The following FUCA1 variants were observed in gnomAD, a reference collection of about 807,000 sequenced individuals.
FUCA1 encodes the protein alpha-L-fucosidase 1, also known as tissue alpha-L-fucosidase.
Under a neutral mutation model 56.8 loss-of-function variants are expected in FUCA1, and 52 were observed. The ratio of observed to expected loss-of-function variants is 0.92; its 90% CI spans 0.73 to 1.15. FUCA1 has a LOEUF of 1.15. FUCA1 is among the 50% of genes most tolerant of loss of function. The pLI is 0.00. For synonymous variants in FUCA1, 230 were observed against 226.6 expected (o/e 1.02, Z -0.14); for missense variants, 568 against 592.6 (o/e 0.96, Z 0.43).
chr1:23,863,177 C>A lies in FUCA1; in HGVS notation c.619G>T (p.Val207Phe), dbSNP rs1166240948. Residue 207 changes from valine to phenylalanine, a missense_variant, in exon 3 of 8, where the codon GTC becomes TTC. Val to Phe is a conservative substitution (Grantham distance 50). Coordinates refer to ENST00000374479, the MANE Select transcript of FUCA1 (RefSeq NM_000147.5). ...AGCTCTGGCATTGTTTTTGCACTGA[C>A]AAAATGCTGTGTTTTGAAGCCATTT... The part of the protein sequence containing the change: ...KKNGFKTQHF[V>F]SAKTMPELYD... 1.2e-6 allele frequency: 2 copies of A among 1,613,946 alleles called. No homozygotes were observed. The highest frequency in any genetic ancestry group is 1.1e-5 in the South Asian group (1 of 91,074).
At chr1:23,849,388 G>C (rs1639210702) in intron 5 of FUCA1, among the ~76,000 whole-genome samples, 1 of 151,996 alleles carries the variant, frequency 6.6e-6, no homozygotes, top group Non-Finnish European at 1.5e-5. Flanking sequence ...TGAATTTCAG[G>C]GAGTGGCCAT....
chr1:23,864,087 C>CTTTTT (rs765991884), intron 2 of FUCA1, among the ~76,000 whole-genome samples: 9 of 131,046 alleles, frequency 6.9e-5, no homozygotes, highest in African/African-American at 1.4e-4. Context: ...TCTTTTTTTC[C>CTTTTT]TTTTTTTTTT....
At chr1:23,846,843 A>G (rs1456385885) in intron 6 of FUCA1, among the ~76,000 whole-genome samples, 1 of 152,038 alleles carries the variant, frequency 6.6e-6, no homozygotes, top group Non-Finnish European at 1.5e-5. Flanking sequence ...CGGCCTCCCA[A>G]AGTGTTCGGA....
At chr1:23,858,910 G>A (rs1437493166) in intron 4 of FUCA1, among the ~76,000 whole-genome samples, 4 of 151,998 alleles carry the variant, frequency 2.6e-5, no homozygotes, top group Admixed American at 1.3e-4. Flanking sequence ...ACTACCTCCC[G>A]AGTAGCTGGG....
chr1:23,853,102 G>A (rs1373802307), intron 5 of FUCA1, among the ~76,000 whole-genome samples: 4 of 147,112 alleles, frequency 2.7e-5, no homozygotes, highest in South Asian at 2.2e-4. Context: ...CATCGTCTGA[G>A]ATGTGGGGAG....
chr1:23,847,511 T>C (rs1639167648), intron 6 of FUCA1, among the ~76,000 whole-genome samples: 1 of 152,146 alleles, frequency 6.6e-6, no homozygotes, highest in Non-Finnish European at 1.5e-5. Context: ...GTGAGGCCTT[T>C]GGGAAGTAAT....
intron 5 of FUCA1, among the ~76,000 whole-genome samples, chr1:23,853,376 G>A (rs1180818852): frequency 1.3e-4 from 19 of 147,052 alleles, no homozygotes; most frequent in East Asian, 3.9e-4. Flanking sequence ...CAGCCGCCCC[G>A]TCCGGGAGGG....
intron 7 of FUCA1, 98 bp downstream of exon 7, chr1:23,845,976 T>A (rs1178056231): frequency 2.7e-5 from 40 of 1,505,320 alleles, no homozygotes; most frequent in Non-Finnish European, 9.2e-7. Flanking sequence ...CTAAAAGAGG[T>A]GTGAATATGG....
rs146340024 is a variant in FUCA1, at chr1:23,847,897, C to G, written c.1160+752G>C. ...ATTAGCTGGGCGTGGTGGCGGGTGCCTATAATCCCAGCTGCTTGGGAGGCT... is the reference window on the plus strand; with the variant it reads ...ATTAGCTGGGCGTGGTGGCGGGTGCGTATAATCCCAGCTGCTTGGGAGGCT... On this transcript the variant is annotated intron_variant, in intron 6 of 7. Coordinates refer to ENST00000374479, the MANE Select transcript of FUCA1 (RefSeq NM_000147.5). 6.4e-3 allele frequency among the ~76,000 whole-genome samples: 979 copies of G among 152,254 alleles called. 10 individuals carry two copies. Among genetic ancestry groups the G allele is most frequent in the African/African-American group, 0.023 (935 of 41,532 alleles).
At chr1:23,851,462 T>C (rs1203439639) in intron 5 of FUCA1, among the ~76,000 whole-genome samples, 6 of 152,186 alleles carry the variant, frequency 3.9e-5, no homozygotes, top group Non-Finnish European at 7.3e-5. Flanking sequence ...TGCACAACTT[T>C]CTTGTGTAAC....
intron 1 of FUCA1, among the ~76,000 whole-genome samples, chr1:23,866,549 T>G (rs1344310222): frequency 6.6e-6 from 1 of 152,244 alleles, no homozygotes; most frequent in Non-Finnish European, 1.5e-5. Flanking sequence ...CTCCAGGATT[T>G]GAAGGGCCAG....
chr1:23,858,994 C>A (rs1639452216), intron 4 of FUCA1, among the ~76,000 whole-genome samples: 1 of 151,964 alleles, frequency 6.6e-6, no homozygotes, highest in African/African-American at 2.4e-5. Flanking sequence ...GTTGCCCAGG[C>A]TGGTCTTGAA....
Position 23,854,862 on chromosome 1 carries a change from G to A in FUCA1, c.769-302C>T, listed in dbSNP as rs772653553. Among the ~76,000 whole-genome samples, 20 of 152,318 alleles carry A rather than the reference G, an allele frequency of 1.3e-4. 2 individuals carry two copies. The highest frequency in any genetic ancestry group is 4.8e-4 in the African/African-American group (20 of 41,572). ...AGCCCTAAATGTCAACAGTACTGAG[G>A]TAGAGAAACCCTGCTGCAGAGATAC... On this transcript the variant is annotated intron_variant, in intron 4 of 7. Coordinates refer to ENST00000374479, the MANE Select transcript of FUCA1 (RefSeq NM_000147.5).
intron 4 of FUCA1, among the ~76,000 whole-genome samples, chr1:23,859,425 G>A (rs1472078821): frequency 6.6e-6 from 1 of 152,062 alleles, no homozygotes; most frequent in African/African-American, 2.4e-5. Context: ...AAATCAGCCG[G>A]CCAGGTGGCG....
At chr1:23,847,383 A>G (rs1557505421) in intron 6 of FUCA1, among the ~76,000 whole-genome samples, 1 of 151,936 alleles carries the variant, frequency 6.6e-6, no homozygotes, top group Non-Finnish European at 1.5e-5. Flanking sequence ...CTGTTCTGAA[A>G]TTTCACTATG....
chr1:23,859,689 T>G lies in FUCA1; in HGVS notation c.768+109A>C, dbSNP rs1027599333. ...GTCCCAGTCCCTACTGCCCCCATGT[T>G]GATATTCCTGTTTATTATTGCTGCT... On this transcript the variant is annotated intron_variant, in intron 4 of 7. Coordinates refer to ENST00000374479, the MANE Select transcript of FUCA1 (RefSeq NM_000147.5). The G allele has an allele frequency of 6.9e-6, 5 of 723,894 alleles. No individual in the cohort carries two copies. The East Asian group carries it at 1.1e-4, about 16-fold the overall frequency. The allele number at this position is 723,894 out of a possible 1,614,324, so 44.8% of individuals were successfully genotyped here. A position where few individuals can be genotyped will look rare whatever the true frequency, so the allele number is the denominator to read the frequency against.
intron 5 of FUCA1, among the ~76,000 whole-genome samples, chr1:23,851,986 T>A (rs1639268827): frequency 6.6e-6 from 1 of 151,308 alleles, no homozygotes; most frequent in Admixed American, 6.6e-5. Context: ...GAAACAAACC[T>A]GCACACTCTG....
chr1:23,861,071 C>A (rs1434398347), intron 3 of FUCA1, among the ~76,000 whole-genome samples: 2 of 151,068 alleles, frequency 1.3e-5, no homozygotes, highest in Non-Finnish European at 3.0e-5. Flanking sequence ...CACCTGTAAT[C>A]CCAGCACTTT....
At chr1:23,855,396 C>T (rs1570680795) in intron 4 of FUCA1, among the ~76,000 whole-genome samples, 1 of 152,296 alleles carries the variant, frequency 6.6e-6, no homozygotes, top group African/African-American at 2.4e-5. Context: ...ATTTGGGAGG[C>T]TGAGGCAGGA....
Sources: gnomAD v4.1 joint callset for allele counts (sites outside exome capture counted in the v4.1 genomes callset) on GRCh38, gnomAD v4.1.1 for gene constraint, MANE v1.5 for transcripts, NCBI Gene and HGNC (gene_info 2026-07-23, HGNC 2026-07-21) for gene names.